The following SLC35A5 variants were observed in gnomAD, a reference collection of about 807,000 sequenced individuals.
SLC35A5 encodes UDP-sugar transporter protein SLC35A5.
SLC35A5 carries 28 observed loss-of-function variants against 36.3 expected under a neutral mutation model. That is an observed-to-expected ratio of 0.77 (90% confidence interval 0.57 to 1.06). The LOEUF (loss-of-function observed/expected upper bound fraction) is 1.06. SLC35A5 is among the 50% of genes least tolerant of loss of function. SLC35A5 has a pLI of 0.00. For missense variants in SLC35A5, 521 were observed against 499.3 expected (o/e 1.04, Z -0.41); for synonymous variants, 180 against 173.7 (o/e 1.04, Z -0.29).
chr3:112,561,824 T>A, upstream of SLC35A5: 1 of 408,844 alleles, frequency 2.4e-6, no homozygotes, highest in Non-Finnish European at 4.4e-6. Flanking sequence ...AGACCTGAGG[T>A]GAGAAGCGGA....
In SLC35A5 at chr3:112,563,497, A is replaced by G. The variant is rs1273056108; in HGVS notation, c.94A>G (p.Ser32Gly). Residue 32 changes from serine (S) to glycine (G), a missense_variant, in exon 2 of 7, where the codon AGT (serine) becomes GGT (glycine). Physicochemically the swap from Ser to Gly is moderately conservative, Grantham distance 56. Coordinates refer to ENST00000492406, the MANE Select transcript of SLC35A5 (RefSeq NM_017945.5). Reference sequence around the variant, plus strand: ...TGCCATATTCATTGCTTTAAGCTCAAGTCGCATCTTACTAGTGAAGTATTC... The same window carrying G: ...TGCCATATTCATTGCTTTAAGCTCAGGTCGCATCTTACTAGTGAAGTATTC... Reference protein sequence around the residue: ...LGAIFIALSSSRILLVKYSAN... With the variant: ...LGAIFIALSSGRILLVKYSAN... The G allele has an allele frequency of 6.2e-7, 1 of 1,607,564 alleles. No individual in the cohort carries two copies. The highest frequency in any genetic ancestry group is 2.2e-5 in the East Asian group (1 of 44,770).
At chr3:112,570,086 T>C (rs1934372914) in intron 3 of SLC35A5, among the ~76,000 whole-genome samples, 1 of 152,212 alleles carries the variant, frequency 6.6e-6, no homozygotes. Flanking sequence ...AACCTAGAGA[T>C]GGAATAATAA....
chr3:112,583,378 A>G lies in SLC35A5; in HGVS notation c.*642A>G, dbSNP rs1935018756. On this transcript the variant is annotated 3_prime_UTR_variant, in exon 7 of 7. Transcript: ENST00000492406. ...AATTCATGGGAAATTGGATTTTTGT[A>G]ATAATCTTTTGATGTTTTAAACATT... is the stretch of plus-strand genomic sequence containing the variant. 1 of 364,336 alleles carries G rather than the reference A, an allele frequency of 2.7e-6. No homozygotes were observed. The highest frequency in any genetic ancestry group is 1.5e-4 in the South Asian group (1 of 6,764). The allele number at this position is 364,336 out of a possible 1,614,324, so 22.6% of individuals were successfully genotyped here. A position where few individuals can be genotyped will look rare whatever the true frequency, so the allele number is the denominator to read the frequency against.
intron 6 of SLC35A5, among the ~76,000 whole-genome samples, chr3:112,582,334 T>C (rs1055936548): frequency 6.6e-6 from 1 of 152,124 alleles, no homozygotes; most frequent in Admixed American, 6.6e-5. Context: ...TAATGCCATT[T>C]GCTCTAATTT....
intron 4 of SLC35A5, among the ~76,000 whole-genome samples, chr3:112,573,149 A>T (rs1156483933): frequency 6.6e-6 from 1 of 152,142 alleles, no homozygotes; most frequent in Non-Finnish European, 1.5e-5. Context: ...CCTTAAAGTG[A>T]TAGCAAGCAG....
chr3:112,568,682 T>G (rs1424096642), intron 2 of SLC35A5, among the ~76,000 whole-genome samples: 2 of 152,166 alleles, frequency 1.3e-5, no homozygotes, highest in African/African-American at 4.8e-5. Flanking sequence ...ATGTTTTCTG[T>G]GTGTACCGTG....
chr3:112,577,441 A>G (rs543787609), intron 5 of SLC35A5, among the ~76,000 whole-genome samples: 151 of 152,350 alleles, frequency 9.9e-4, no homozygotes, highest in African/African-American at 3.4e-3. Context: ...TCTTTGAAGT[A>G]TAAGCCACTG....
At chr3:112,580,269 A>G (rs1402643031) in intron 5 of SLC35A5, among the ~76,000 whole-genome samples, 1 of 152,230 alleles carries the variant, frequency 6.6e-6, no homozygotes, top group Non-Finnish European at 1.5e-5. Context: ...CTAGAGGTAG[A>G]AAGGAGGCCA....
chr3:112,563,582 A>G (rs771289182), intron 2 of SLC35A5, 49 bp downstream of exon 2: 1 of 1,493,292 alleles, frequency 6.7e-7, no homozygotes, highest in Non-Finnish European at 9.1e-7. Context: ...CTAATCACAC[A>G]TCTCTCTCTT....
upstream of SLC35A5, chr3:112,561,911 C>T (rs1235485379): frequency 1.2e-5 from 3 of 240,970 alleles, no homozygotes; most frequent in Admixed American, 6.2e-5. Flanking sequence ...GCTTCCCTTC[C>T]TTCTCACTCT....
chr3:112,579,658 CCTGA>C (rs1016634632), intron 5 of SLC35A5, among the ~76,000 whole-genome samples: 96 of 152,190 alleles, frequency 6.3e-4, no homozygotes, highest in African/African-American at 2.2e-3. Context: ...TGAAGCAATA[CCTGA>C]CTATTTACAG....
Position 112,580,731 on chromosome 3 carries a change from G to A in SLC35A5, c.614G>A (p.Cys205Tyr), listed in dbSNP as rs1279606152. 1.9e-6 allele frequency: 3 copies of A among 1,613,990 alleles called. No individual in the cohort carries two copies. The highest frequency in any genetic ancestry group is 2.5e-6 in the Non-Finnish European group (3 of 1,179,992). The change falls in exon 6 of 7, where the codon TGT (cysteine) becomes TAT (tyrosine). Residue 205 changes from cysteine (C) to tyrosine (Y), a missense_variant. Physicochemically the swap from Cys to Tyr is radical, Grantham distance 194 (BLOSUM62 -2). Coordinates refer to ENST00000492406, the MANE Select transcript of SLC35A5 (RefSeq NM_017945.5). ...FRSECPRKDN[C>Y]TAKEWTFPEA... ...AGTGAGTGTCCCAGAAAAGACAATT[G>A]TACAGCAAAGGAATGGACTTTTCCT...
At position 112,582,708 on chromosome 3, in the gene SLC35A5, G is replaced by A. The variant is rs745691139; in HGVS notation, c.1247G>A (p.Ser416Asn). 4 of 1,612,810 alleles carry A rather than the reference G, an allele frequency of 2.5e-6. No individual in the cohort carries two copies. In the South Asian group the frequency reaches 3.3e-5, roughly 13 times the overall value. ...CTAGAAAGACTTACCAAACCCAAGAGTGATGAGTCAGATGAAGATACTTTC... is the reference window on the plus strand; with the variant it reads ...CTAGAAAGACTTACCAAACCCAAGAATGATGAGTCAGATGAAGATACTTTC... ...EELERLTKPK[S>N]DESDEDTF Residue 416 changes from serine (S) to asparagine (N), a missense_variant, in exon 7 of 7, where the codon AGT becomes AAT. Coordinates refer to ENST00000492406, the MANE Select transcript of SLC35A5 (RefSeq NM_017945.5).
upstream of SLC35A5, chr3:112,561,419 T>C: frequency 6.2e-7 from 1 of 1,603,640 alleles, no homozygotes. Flanking sequence ...AAGTCGAGCA[T>C]GTGCCTGACA....
chr3:112,561,857 T>C (rs540963684), upstream of SLC35A5: 66 of 349,964 alleles, frequency 1.9e-4, no homozygotes, highest in Admixed American at 4.7e-4. Context: ...CCTCGCCCTC[T>C]GCGAGCTGTC....
chr3:112,573,870 A>T lies in SLC35A5; in HGVS notation c.361-19A>T, dbSNP rs765436136. ...AGTACTTCATTTGGATTGTAACTCT[A>T]TCTTCTCTTTCTTTCTAGGCCATGG... On this transcript the variant is annotated intron_variant, in intron 4 of 6. Transcript: ENST00000492406. 3 of 1,599,332 alleles carry T rather than the reference A, an allele frequency of 1.9e-6. No homozygotes were observed. The highest frequency in any genetic ancestry group is 2.6e-6 in the Non-Finnish European group (3 of 1,167,008).
intron 5 of SLC35A5, among the ~76,000 whole-genome samples, chr3:112,575,760 T>C (rs1189005163): frequency 5.6e-5 from 6 of 107,856 alleles, no homozygotes; most frequent in African/African-American, 4.7e-4. Flanking sequence ...TTTTATTACT[T>C]TTTTTTTTTT....
At chr3:112,564,956 G>A (rs1211506028) in intron 2 of SLC35A5, among the ~76,000 whole-genome samples, 1 of 152,170 alleles carries the variant, frequency 6.6e-6, no homozygotes, top group African/African-American at 2.4e-5. Flanking sequence ...AGTCTCCTAT[G>A]TCTACTTCTT....
intron 2 of SLC35A5, chr3:112,564,463 C>T (rs1934097755): frequency 6.6e-6 from 1 of 152,282 alleles, no homozygotes; most frequent in Non-Finnish European, 1.5e-5. Context: ...ACCTCCAGCC[C>T]TAAGGCGGTT....
Sources: gnomAD v4.1 joint callset for allele counts (sites outside exome capture counted in the v4.1 genomes callset) on GRCh38, gnomAD v4.1.1 for gene constraint, MANE v1.5 for transcripts, NCBI Gene and HGNC (gene_info 2026-07-23, HGNC 2026-07-21) for gene names.